ASIC2: variants seen among roughly 807,000 people sequenced by gnomAD.
The protein encoded by ASIC2 is acid-sensing ion channel 2.
A neutral mutation model predicts 57.3 loss-of-function variants in ASIC2; 25 were observed. The ratio of observed to expected loss-of-function variants is 0.44; its 90% CI spans 0.32 to 0.61. ASIC2 has a LOEUF of 0.61. Ranked by LOEUF, ASIC2 falls within the 20% of genes least tolerant of loss-of-function variation. The pLI, the probability that ASIC2 is intolerant of heterozygous loss-of-function variation, is 0.06. For missense variants in ASIC2, 641 were observed against 738.1 expected, an observed-to-expected ratio of 0.87 and a Z score of 1.52; for synonymous variants, 319 against 307.5, an observed-to-expected ratio of 1.04 and a Z score of -0.39.
Position 33,475,570 on chromosome 17 carries a change from C to T in ASIC2, c.556-363503G>A, listed in dbSNP as rs138850963. 6.4e-3 allele frequency among the ~76,000 whole-genome samples: 976 copies of T among 152,304 alleles called. 7 individuals carry two copies. Among genetic ancestry groups the T allele is most frequent in the Middle Eastern group, 0.01 (3 of 294 alleles). ...ACATAGTCTTAGGACTTTTTATTGA[C>T]TTCCTTCTAATGATGGGGGTTAAGT... On this transcript the variant is annotated intron_variant, in intron 1 of 9. Transcript: ENST00000359872.
chr17:33,183,000 C>G (rs1197743099), intron 1 of ASIC2, among the ~76,000 whole-genome samples: 1 of 152,180 alleles, frequency 6.6e-6, no homozygotes, highest in African/African-American at 2.4e-5. Context: ...AAACAGTGCA[C>G]AGCTTTCATT....
At chr17:33,995,536 T>C (rs753792356) in intron 1 of ASIC2, among the ~76,000 whole-genome samples, 1 of 152,186 alleles carries the variant, frequency 6.6e-6, no homozygotes, top group Non-Finnish European at 1.5e-5. Flanking sequence ...TCCAGCTTTA[T>C]GGAAGAACAA....
chr17:33,244,432 C>T (rs1046884771), intron 1 of ASIC2, among the ~76,000 whole-genome samples: 6 of 152,222 alleles, frequency 3.9e-5, no homozygotes, highest in African/African-American at 9.6e-5. Flanking sequence ...TCACTGTTTA[C>T]GTGAGCCAAC....
chr17:33,722,561 G>GCTTGAAACTCTTGTTGC (rs1909421125), intron 1 of ASIC2, among the ~76,000 whole-genome samples: 2 of 151,260 alleles, frequency 1.3e-5, no homozygotes, highest in South Asian at 4.2e-4. Context: ...GAAGCCAGGA[G>GCTTGAAACTCTTGTTGC]TTAGAGACCT....
chr17:33,937,951 G>A (rs1367695130), intron 1 of ASIC2, among the ~76,000 whole-genome samples: 2 of 152,200 alleles, frequency 1.3e-5, no homozygotes, highest in East Asian at 3.8e-4. Context: ...ATGACTTGGG[G>A]TTTCCAGAGT....
chr17:33,073,341 T>G (rs1283951711), intron 3 of ASIC2, among the ~76,000 whole-genome samples: 1 of 152,192 alleles, frequency 6.6e-6, no homozygotes, highest in African/African-American at 2.4e-5. Context: ...TCTGTCCACA[T>G]GGAGTGGTCA....
chr17:33,768,908 C>T (rs1413373477), intron 1 of ASIC2, among the ~76,000 whole-genome samples: 1 of 152,084 alleles, frequency 6.6e-6, no homozygotes, highest in Non-Finnish European at 1.5e-5. Flanking sequence ...CTTCCCGTTC[C>T]CTCTCCAGCT....
chr17:33,438,368 C>G lies in ASIC2; in HGVS notation c.556-326301G>C, dbSNP rs2141982553. ...GGACAACAAAGCTTCGTTACATAGA[C>G]AGTCCAAGGTTGGGAGGGCCATGAT... On this transcript the variant is annotated intron_variant, in intron 1 of 9. Transcript: ENST00000359872. 1.3e-5 allele frequency among the ~76,000 whole-genome samples: 2 copies of G among 152,292 alleles called. 1 individual carries two copies. The highest frequency in any genetic ancestry group is 4.1e-4 in the South Asian group (2 of 4,824).
intron 1 of ASIC2, among the ~76,000 whole-genome samples, chr17:34,116,827 G>A (rs1911435487): frequency 6.6e-6 from 1 of 152,106 alleles, no homozygotes; most frequent in African/African-American, 2.4e-5. Context: ...TTCCTTCTGA[G>A]ACTCCGATAC....
At chr17:33,473,995 T>G (rs1913136840) in intron 1 of ASIC2, among the ~76,000 whole-genome samples, 1 of 152,200 alleles carries the variant, frequency 6.6e-6, no homozygotes. Context: ...CAAAGATAAA[T>G]CAGACCTCTA....
At chr17:33,944,654 T>G (rs1307902441) in intron 1 of ASIC2, among the ~76,000 whole-genome samples, 1 of 152,134 alleles carries the variant, frequency 6.6e-6, no homozygotes, top group East Asian at 1.9e-4. Context: ...TGTGCCAAAG[T>G]GAAACACTTC....
chr17:33,312,980 G>A (rs1054124667), intron 1 of ASIC2, among the ~76,000 whole-genome samples: 1 of 152,142 alleles, frequency 6.6e-6, no homozygotes, highest in Non-Finnish European at 1.5e-5. Context: ...CTTCCATATT[G>A]GTGAACAAGA....
chr17:33,738,218 C>T (rs1263949574), intron 1 of ASIC2, among the ~76,000 whole-genome samples: 1 of 152,136 alleles, frequency 6.6e-6, no homozygotes, highest in African/African-American at 2.4e-5. Context: ...AAAGCAGGAG[C>T]CCCTGTTTTG....
intron 1 of ASIC2, among the ~76,000 whole-genome samples, chr17:33,354,475 C>T (rs1324517152): frequency 6.6e-6 from 1 of 152,160 alleles, no homozygotes; most frequent in African/African-American, 2.4e-5. Flanking sequence ...TCAGTGACTT[C>T]CCACTGCTCT....
At chr17:34,064,547 CT>C (rs202213337) in intron 1 of ASIC2, among the ~76,000 whole-genome samples, 7 of 151,766 alleles carry the variant, frequency 4.6e-5, no homozygotes, top group African/African-American at 1.5e-4. Flanking sequence ...AACTAAAGAG[CT>C]TTTTTTTTAC....
intron 1 of ASIC2, among the ~76,000 whole-genome samples, chr17:33,290,341 T>C (rs1307436391): frequency 6.6e-6 from 1 of 152,208 alleles, no homozygotes; most frequent in African/African-American, 2.4e-5. Context: ...AAAATCACCA[T>C]CATAGCACTA....
intron 1 of ASIC2, among the ~76,000 whole-genome samples, chr17:33,855,695 G>T (rs888278140): frequency 2.0e-5 from 3 of 152,194 alleles, no homozygotes; most frequent in East Asian, 1.9e-4. Context: ...GGCAGGTTGA[G>T]GGTGGTGCTA....
At chr17:33,808,090 C>T (rs1912319288) in intron 1 of ASIC2, among the ~76,000 whole-genome samples, 1 of 152,188 alleles carries the variant, frequency 6.6e-6, no homozygotes, top group East Asian at 1.9e-4. Context: ...TTTGGTGTTA[C>T]ATATAAAAAG....
At chr17:33,173,497 G>A (rs1392040286) in intron 1 of ASIC2, among the ~76,000 whole-genome samples, 1 of 152,170 alleles carries the variant, frequency 6.6e-6, no homozygotes, top group African/African-American at 2.4e-5. Context: ...GAGACTGGAG[G>A]ATGCATTTGT....
Sources: allele counts gnomAD v4.1 joint callset (sites outside exome capture counted in the v4.1 genomes callset), GRCh38; gene constraint gnomAD v4.1.1; transcripts MANE v1.5; gene names NCBI Gene and HGNC (gene_info 2026-07-23, HGNC 2026-07-21).